HCLS1: variants seen among roughly 807,000 people sequenced by gnomAD.
HCLS1 encodes hematopoietic lineage cell-specific protein.
Under a neutral mutation model 68.6 loss-of-function variants are expected in HCLS1, and 44 were observed. That is an observed-to-expected ratio of 0.64 (90% CI 0.50 to 0.82). The LOEUF (loss-of-function observed/expected upper bound fraction) is 0.82. Among genes scored for constraint, HCLS1 ranks in the 40% least tolerant of loss-of-function variants. The pLI is 0.00. For synonymous variants in HCLS1, 217 were observed against 225.8 expected, an observed-to-expected ratio of 0.96 and a Z score of 0.35; for missense variants, 602 against 612.1, an observed-to-expected ratio of 0.98 and a Z score of 0.17.
chr3:121,647,224 AC>A lies in HCLS1; in HGVS notation c.288+94del, dbSNP rs1937627255. The A allele has an allele frequency of 1.1e-5, 13 of 1,233,078 alleles. No individual in the cohort carries two copies. The South Asian group carries it at 1.7e-4, about 16-fold the overall frequency. 76.4% of individuals were successfully genotyped at this position (1,233,078 alleles called of 1,614,324 possible). ...TCTCGATCTCCTAACCTCATGATCC[AC>A]CCACCTTGGCCTTCCAAAGTGCTGG... is the stretch of plus-strand genomic sequence containing the variant. On this transcript the variant is annotated intron_variant, in intron 4 of 13. Coordinates refer to ENST00000314583, the MANE Select transcript of HCLS1 (RefSeq NM_005335.6).
chr3:121,647,585 G>A (rs1226356672), intron 3 of HCLS1, 137 bp from the exon 4 acceptor site: 2 of 745,290 alleles, frequency 2.7e-6, no homozygotes. Flanking sequence ...TACTAGTGAT[G>A]GGTCTGGAAG....
chr3:121,659,981 GA>G (rs1389202900), intron 1 of HCLS1, among the ~76,000 whole-genome samples: 3 of 152,304 alleles, frequency 2.0e-5, no homozygotes, highest in Admixed American at 2.0e-4. Context: ...CCAGAAACCA[GA>G]AAGGTAAGAA....
chr3:121,634,175 T>C, intron 10 of HCLS1, 32 bp downstream of exon 10: 5 of 1,613,230 alleles, frequency 3.1e-6, no homozygotes, highest in Non-Finnish European at 4.2e-6. Context: ...CAAGAGATCC[T>C]GGATGTGGAT....
In HCLS1 at chr3:121,634,269, G is replaced by A. The variant is rs1301072783; in HGVS notation, c.841C>T (p.Pro281Ser). ...VTKRSPEAPQ[P>S]VIAMEEPAVP... ...GCTGGCTCTTCCATAGCTATCACTGGCTGTGGAGCCTCAGGGCTCCTCTTT... is the reference window on the plus strand; with the variant it reads ...GCTGGCTCTTCCATAGCTATCACTGACTGTGGAGCCTCAGGGCTCCTCTTT... The change falls in exon 10 of 14, where the codon CCA becomes TCA. Residue 281 changes from proline to serine, a missense_variant. Pro to Ser is a moderately conservative substitution (Grantham distance 74). Transcript: ENST00000314583. The A allele has an allele frequency of 4.3e-6, 7 of 1,614,032 alleles. No individual in the cohort carries two copies. In the Admixed American group the frequency reaches 1.2e-4, roughly 27 times the overall value.
In HCLS1 at chr3:121,635,819, A is replaced by ACAG; in HGVS notation, c.622-18_622-16dup. The ACAG allele has an allele frequency of 1.2e-6, 2 of 1,612,600 alleles. No homozygotes were observed. Among genetic ancestry groups the ACAG allele is most frequent in the African/African-American group, 2.7e-5 (2 of 75,026 alleles). On this transcript the variant is annotated splice_polypyrimidine_tract_variant and intron_variant, in intron 8 of 13. Transcript: ENST00000314583. The stretch of plus-strand genomic sequence containing the variant: ...CCGACAGCGCTCTGCAGGCAGGAGA[A>ACAG]CAGCATGTGTGTTGCGGGAGAGGGG...
At chr3:121,636,892 C>T (rs2049155363) in intron 7 of HCLS1, among the ~76,000 whole-genome samples, 1 of 152,124 alleles carries the variant, frequency 6.6e-6, no homozygotes, top group African/African-American at 2.4e-5. Context: ...TGTCTGTCCT[C>T]ATTCCTTCCT....
rs140462442 is a variant in HCLS1 at position 121,641,266 on chromosome 3, G to GAGAT, written c.454+1657_454+1660dup. 8.0e-3 allele frequency among the ~76,000 whole-genome samples: 1,222 copies of GAGAT among 152,272 alleles called. 10 individuals carry two copies. The highest frequency in any genetic ancestry group is 0.027 in the African/African-American group (1,141 of 41,566). ...TCAGGAATGATAGTCTGACACAAGA[G>GAGAT]AGATGTCAGAGACGATGAAATAAGA... On this transcript the variant is annotated intron_variant, in intron 6 of 13. Transcript: ENST00000314583.
intron 4 of HCLS1, among the ~76,000 whole-genome samples, chr3:121,646,186 TATA>T (rs1297048505): frequency 3.6e-5 from 4 of 110,666 alleles, no homozygotes; most frequent in East Asian, 3.1e-4. Context: ...TATATAATAA[TATA>T]ATATTAAATA....
rs553269586 is a variant in HCLS1 at position 121,653,728 on chromosome 3, C to T, written c.158+3551G>A. ...TTACACCATTCTTTATTTCCACTTG[C>T]TATAAAATGTCAGGGCACGAGAAGA... is the stretch of plus-strand genomic sequence containing the variant. On this transcript the variant is annotated intron_variant, in intron 3 of 13. Transcript: ENST00000314583. The T allele has an allele frequency of 5.9e-5, 9 of 152,266 alleles. No homozygotes were observed. The East Asian group carries it at 1.5e-3, about 26-fold the overall frequency. The allele number at this position is 152,266 out of a possible 1,614,324, so 9.4% of individuals were successfully genotyped here.
intron 10 of HCLS1, 31 bp from the exon 11 acceptor site, chr3:121,633,202 C>T: frequency 1.4e-6 from 2 of 1,384,662 alleles, no homozygotes; most frequent in Non-Finnish European, 9.9e-7. Context: ...CTCAAGTAAG[C>T]AAGCCTCCAT....
chr3:121,653,878 A>G (rs1203971023), intron 3 of HCLS1: 1 of 152,264 alleles, frequency 6.6e-6, no homozygotes, highest in Non-Finnish European at 1.5e-5. Flanking sequence ...TGTGTGGTCC[A>G]CAAGCTGAAC....
chr3:121,633,247 G>A (rs1368377348), intron 10 of HCLS1, 76 bp from the exon 11 acceptor site: 31 of 934,572 alleles, frequency 3.3e-5, no homozygotes, highest in South Asian at 4.6e-5. Context: ...ATAGACTCTC[G>A]CTCTGTAGCC....
In HCLS1 at chr3:121,632,082, C is replaced by T. The variant is rs756278135; in HGVS notation, c.1324+19G>A. The T allele has an allele frequency of 7.4e-6, 12 of 1,613,478 alleles. No homozygotes were observed. The highest frequency in any genetic ancestry group is 3.3e-5 in the South Asian group (3 of 91,064). On this transcript the variant is annotated intron_variant, in intron 13 of 13. Transcript: ENST00000314583. Reference sequence around the variant, plus strand: ...AGGGGCCTCCATGTACCAGGCTCCTCGGGCCACTCCCAACCTACCTCCTTG... The same window carrying T: ...AGGGGCCTCCATGTACCAGGCTCCTTGGGCCACTCCCAACCTACCTCCTTG...
At chr3:121,632,673 C>T in intron 11 of HCLS1, 110 bp from the exon 12 acceptor site, 1 of 904,892 alleles carries the variant, frequency 1.1e-6, no homozygotes, top group South Asian at 1.6e-5. Context: ...CCCCTCTACC[C>T]TTGCCTCCAT....
intron 3 of HCLS1, 102 bp downstream of exon 3, chr3:121,657,177 C>G: frequency 1.1e-6 from 1 of 891,062 alleles, no homozygotes; most frequent in South Asian, 1.5e-5. Flanking sequence ...TAGACATGAA[C>G]TACCCTATCC....
Position 121,633,279 on chromosome 3 carries a change from G to C in HCLS1, c.904-108C>G, listed in dbSNP as rs368834635. On this transcript the variant is annotated intron_variant, in intron 10 of 13. Coordinates refer to ENST00000314583, the MANE Select transcript of HCLS1 (RefSeq NM_005335.6). ...AGCCCAGGCTGGAGTGCAGTGGTGCGATCTCAGCTCATTGCAACCTCCGCC... is the reference window on the plus strand; with the variant it reads ...AGCCCAGGCTGGAGTGCAGTGGTGCCATCTCAGCTCATTGCAACCTCCGCC... The C allele has an allele frequency of 1.1e-4, 78 of 688,960 alleles. No individual in the cohort carries two copies. In the African/African-American group the frequency reaches 1.3e-3, roughly 12 times the overall value. 42.7% of individuals were successfully genotyped at this position (688,960 alleles called of 1,614,324 possible).
chr3:121,646,455 T>G lies in HCLS1; in HGVS notation c.288+864A>C, dbSNP rs1442996421. Among the ~76,000 whole-genome samples, 3 of 102,852 alleles carry G rather than the reference T, an allele frequency of 2.9e-5. No homozygotes were observed. The South Asian group carries it at 9.2e-4, about 32-fold the overall frequency. 67.5% of individuals were successfully genotyped at this position (102,852 alleles called of 152,430 possible). On this transcript the variant is annotated intron_variant, in intron 4 of 13. Transcript: ENST00000314583. ...TGTATTAATAATGTAGATTATATAT[T>G]ATATATGATATATAATATATAATAT...
chr3:121,642,095 A>G (rs1475092665), intron 6 of HCLS1, among the ~76,000 whole-genome samples: 1 of 150,318 alleles, frequency 6.7e-6, no homozygotes, highest in Non-Finnish European at 1.5e-5. Context: ...AAAAAAAAAA[A>G]AAACTTGATC....
chr3:121,640,259 A>G (rs1576463149), intron 6 of HCLS1, among the ~76,000 whole-genome samples: 1 of 152,280 alleles, frequency 6.6e-6, no homozygotes, highest in East Asian at 1.9e-4. Context: ...AATAAAGGAA[A>G]AAAAATGTCC....
Sources: gnomAD v4.1 joint callset for allele counts (sites outside exome capture counted in the v4.1 genomes callset) on GRCh38, gnomAD v4.1.1 for gene constraint, MANE v1.5 for transcripts, NCBI Gene and HGNC (gene_info 2026-07-23, HGNC 2026-07-21) for gene names.